Variants in RPS6KA5 observed in about 807,000 individuals in gnomAD.
RPS6KA5 encodes the protein ribosomal protein S6 kinase A5.
Under a neutral mutation model 85.5 loss-of-function variants are expected in RPS6KA5, and 27 were observed. The ratio of observed to expected loss-of-function variants is 0.32; its 90% CI spans 0.23 to 0.44. RPS6KA5 has a LOEUF of 0.44. Among genes scored for constraint, RPS6KA5 ranks in the 20% least tolerant of loss-of-function variants. The pLI, the probability that RPS6KA5 is intolerant of heterozygous loss-of-function variation, is 1.00. For synonymous variants in RPS6KA5, 334 were observed against 348.2 expected (o/e 0.96, Z 0.46); for missense variants, 811 against 980.9 (o/e 0.83, Z 2.31).
At chr14:90,924,305 C>T (rs1290540101) in intron 5 of RPS6KA5, among the ~76,000 whole-genome samples, 1 of 152,124 alleles carries the variant, frequency 6.6e-6, no homozygotes, top group South Asian at 2.1e-4. Flanking sequence ...GCCTAAACTT[C>T]CTAAGAGTTT....
intron 1 of RPS6KA5, among the ~76,000 whole-genome samples, chr14:91,044,595 T>C (rs113444122): frequency 0.033 from 4,982 of 151,774 alleles, 204 homozygotes; most frequent in African/African-American, 0.095. Flanking sequence ...AGACCCAGGC[T>C]GGGTGCGGTG....
At position 90,896,039 on chromosome 14, in the gene RPS6KA5, C is replaced by T. The variant is rs192653920; in HGVS notation, c.1474-1456G>A. 1.4e-4 allele frequency among the ~76,000 whole-genome samples: 21 copies of T among 152,318 alleles called. No individual in the cohort carries two copies. The East Asian group carries it at 2.5e-3, about 18-fold the overall frequency. ...AATGTTTCTTTCTGTATTAGCAAAA[C>T]TCAGAATAAACTGCTTCATAAAAAA... On this transcript the variant is annotated intron_variant, in intron 12 of 16. Transcript: ENST00000614987.
At chr14:90,941,164 TAAAA>T (rs2037550945) in intron 5 of RPS6KA5, among the ~76,000 whole-genome samples, 1 of 152,198 alleles carries the variant, frequency 6.6e-6, no homozygotes, top group Non-Finnish European at 1.5e-5. Context: ...AATAATATTT[TAAAA>T]TAGATAGCAT....
At chr14:90,947,255 A>T (rs1033577840) in intron 4 of RPS6KA5, among the ~76,000 whole-genome samples, 180 bp downstream of exon 4, 12 of 152,232 alleles carry the variant, frequency 7.9e-5, no homozygotes, top group African/African-American at 2.9e-4. Context: ...AGCAAGTACA[A>T]TTGGAAAGTA....
chr14:91,007,247 C>T (rs2140622140), intron 1 of RPS6KA5, among the ~76,000 whole-genome samples: 1 of 152,214 alleles, frequency 6.6e-6, no homozygotes, highest in Middle Eastern at 3.4e-3. Context: ...AGAAAGAATG[C>T]CTTATGAAAA....
intron 2 of RPS6KA5, among the ~76,000 whole-genome samples, chr14:90,994,375 CA>C (rs1595428277): frequency 6.6e-6 from 1 of 151,898 alleles, no homozygotes; most frequent in East Asian, 1.9e-4. Flanking sequence ...GTTCTTTCTC[CA>C]ATCTGTCTGG....
intron 5 of RPS6KA5, among the ~76,000 whole-genome samples, chr14:90,941,185 G>A (rs2037552379): frequency 6.6e-6 from 1 of 152,246 alleles, no homozygotes; most frequent in Middle Eastern, 3.4e-3. Context: ...GCATTATAGA[G>A]GAAATTAATT....
chr14:90,899,418 C>T lies in RPS6KA5; in HGVS notation c.1384G>A (p.Glu462Lys), dbSNP rs745565405. The change falls in exon 12 of 17, where the codon GAA becomes AAA. Residue 462 changes from glutamate to lysine, a missense_variant. Around this residue, in one of 3 missense-constraint regions of RPS6KA5, gnomAD observed 650 missense variants for 793.4 expected, o/e 0.82. Transcript: ENST00000614987. ...FAVKIISKRM[E>K]ANTQKEITAL... is the part of the protein sequence containing the mutation. ...GTTATTTCCTTTTGAGTATTGGCTT[C>T]CATCCTGCAAGATGAGACACTTAGC... The T allele has an allele frequency of 6.2e-7, 1 of 1,611,374 alleles. No homozygotes were observed. The highest frequency in any genetic ancestry group is 1.1e-5 in the South Asian group (1 of 90,972).
intron 14 of RPS6KA5, among the ~76,000 whole-genome samples, chr14:90,888,460 G>A (rs1011515137): frequency 6.6e-6 from 1 of 152,136 alleles, no homozygotes; most frequent in Non-Finnish European, 1.5e-5. Context: ...ACAAAACTCA[G>A]ATCTACAAGT....
intron 14 of RPS6KA5, among the ~76,000 whole-genome samples, chr14:90,876,840 G>A (rs2033511540): frequency 6.6e-6 from 1 of 152,216 alleles, no homozygotes; most frequent in Non-Finnish European, 1.5e-5. Flanking sequence ...GGAAGCCACA[G>A]GATGTTCCGG....
At chr14:90,999,162 C>T (rs747859275) in intron 2 of RPS6KA5, among the ~76,000 whole-genome samples, 4 of 151,854 alleles carry the variant, frequency 2.6e-5, no homozygotes, top group Non-Finnish European at 4.4e-5. Flanking sequence ...GAGCCAAGAT[C>T]GAGTCACTAC....
At chr14:91,052,063 T>G (rs1328361094) in intron 1 of RPS6KA5, among the ~76,000 whole-genome samples, 1 of 152,006 alleles carries the variant, frequency 6.6e-6, no homozygotes, top group Non-Finnish European at 1.5e-5. Flanking sequence ...ATCAAAAAAC[T>G]TGGGCTCAGA....
At chr14:91,039,727 C>G (rs1472543330) in intron 1 of RPS6KA5, among the ~76,000 whole-genome samples, 1 of 152,164 alleles carries the variant, frequency 6.6e-6, no homozygotes, top group Non-Finnish European at 1.5e-5. Flanking sequence ...GAAGCCCAAA[C>G]AGAACTGTTT....
chr14:90,974,792 G>A (rs1453633054), intron 3 of RPS6KA5, among the ~76,000 whole-genome samples: 1 of 152,216 alleles, frequency 6.6e-6, no homozygotes, highest in Admixed American at 6.5e-5. Flanking sequence ...GTGAGCCCAG[G>A]CTAACCATTA....
intron 1 of RPS6KA5, among the ~76,000 whole-genome samples, chr14:91,039,420 G>A (rs1336885776): frequency 1.3e-5 from 2 of 152,178 alleles, no homozygotes; most frequent in African/African-American, 4.8e-5. Flanking sequence ...ATACAAAAAT[G>A]CATTACCAAC....
At chr14:90,895,672 G>A (rs566526898) in intron 12 of RPS6KA5, among the ~76,000 whole-genome samples, 21 of 152,320 alleles carry the variant, frequency 1.4e-4, no homozygotes, top group Non-Finnish European at 2.8e-4. Flanking sequence ...GACTGCTTGA[G>A]CCCAGAAGCT....
In RPS6KA5 at chr14:90,925,806, T is replaced by G. The variant is rs117003558; in HGVS notation, c.619-2610A>C. Among the ~76,000 whole-genome samples the G allele has an allele frequency of 2.7e-3, 399 of 148,570 alleles. 7 individuals are homozygous for G. In the South Asian group the frequency reaches 0.029, roughly 11 times the overall value. On this transcript the variant is annotated intron_variant, in intron 5 of 16. Transcript: ENST00000614987. ...AAAAAAAAAACCTAGCAGGGCATAG[T>G]GGCGCATGCCTGTAGTCCCAGCTAC...
rs59832219 is a variant in RPS6KA5, at chr14:90,861,892, C to CA, written c.*10181dup. On this transcript the variant is annotated 3_prime_UTR_variant, in exon 17 of 17. Transcript: ENST00000614987. The stretch of plus-strand genomic sequence containing the variant: ...CAGCCTGGCGACAAAGACTCCATCT[C>CA]AAAAAAAAAAAAAAAAAAGGGGAAA... The CA allele has an allele frequency of 0.29, 29,765 of 103,320 alleles. 3,703 individuals are homozygous for CA. Among genetic ancestry groups the CA allele is most frequent in the Middle Eastern group, 0.4 (73 of 182 alleles). The allele number at this position is 103,320 out of a possible 1,614,324, so 6.4% of individuals were successfully genotyped here. A position where few individuals can be genotyped will look rare whatever the true frequency, so the allele number is the denominator to read the frequency against.
intron 1 of RPS6KA5, among the ~76,000 whole-genome samples, chr14:91,028,638 C>G (rs1351640766): frequency 6.6e-6 from 1 of 152,138 alleles, no homozygotes; most frequent in Non-Finnish European, 1.5e-5. Context: ...CCTGCCTCAG[C>G]CTTCCAAGCA....
Sources: gnomAD v4.1 joint callset for allele counts (sites outside exome capture counted in the v4.1 genomes callset) on GRCh38, gnomAD v4.1.1 for gene constraint, gnomAD v4.1.1 regional missense constraint, MANE v1.5 for transcripts, NCBI Gene and HGNC (gene_info 2026-07-23, HGNC 2026-07-21) for gene names.